FNIP1: variants seen among roughly 807,000 people sequenced by gnomAD.
FNIP1 encodes folliculin interacting protein 1.
In FNIP1, 40 loss-of-function variants were observed where a neutral mutation model predicts 124.5. That is an observed-to-expected ratio of 0.32 (90% CI 0.25 to 0.42). The LOEUF is 0.42. Ranked by LOEUF, FNIP1 falls within the 10% of genes least tolerant of loss-of-function variation. FNIP1 has a pLI of 1.00. For missense variants in FNIP1, 1,176 were observed against 1,403.7 expected (o/e 0.84, Z 2.59); for synonymous variants, 472 against 470.6 (o/e 1.00, Z -0.04).
chr5:131,646,496 T>C (rs918816639), intron 17 of FNIP1, among the ~76,000 whole-genome samples: 1 of 152,206 alleles, frequency 6.6e-6, no homozygotes, highest in Non-Finnish European at 1.5e-5. Context: ...TTTAATGGCA[T>C]TTCAAGAAAT....
At chr5:131,739,552 G>A (rs1466421526) in intron 2 of FNIP1, among the ~76,000 whole-genome samples, 1 of 152,052 alleles carries the variant, frequency 6.6e-6, no homozygotes, top group African/African-American at 2.4e-5. Flanking sequence ...GGTGGCTCAC[G>A]CCCGTAATCC....
intron 1 of FNIP1, among the ~76,000 whole-genome samples, chr5:131,785,243 A>T (rs1772166940): frequency 2.0e-5 from 3 of 150,198 alleles, no homozygotes; most frequent in South Asian, 2.1e-4. Flanking sequence ...AATTCAACAC[A>T]TAATATTTTG....
At chr5:131,726,347 C>G (rs1289072619) in intron 3 of FNIP1, among the ~76,000 whole-genome samples, 1 of 152,038 alleles carries the variant, frequency 6.6e-6, no homozygotes, top group Non-Finnish European at 1.5e-5. Context: ...GGTTGGCAGG[C>G]CATTAATTAC....
chr5:131,709,186 A>C lies in FNIP1; in HGVS notation c.778+15T>G. On this transcript the variant is annotated intron_variant, in intron 8 of 17. Transcript: ENST00000510461. Reference sequence around the variant, plus strand: ...GTAATCTCATAAAAAACTGAATACAAGAACGTGACATTACCAGACCGTGCT... The same window carrying C: ...GTAATCTCATAAAAAACTGAATACACGAACGTGACATTACCAGACCGTGCT... 1 of 1,609,354 alleles carries C rather than the reference A, an allele frequency of 6.2e-7. No individual in the cohort carries two copies. The highest frequency in any genetic ancestry group is 8.5e-7 in the Non-Finnish European group (1 of 1,176,516).
At chr5:131,730,652 T>C (rs2149549813) in intron 3 of FNIP1, among the ~76,000 whole-genome samples, 1 of 152,350 alleles carries the variant, frequency 6.6e-6, no homozygotes, top group East Asian at 1.9e-4. Context: ...GAAATTATTC[T>C]GATAACCCAA....
At chr5:131,736,566 G>A (rs994491480) in intron 2 of FNIP1, among the ~76,000 whole-genome samples, 3 of 152,208 alleles carry the variant, frequency 2.0e-5, no homozygotes, top group African/African-American at 7.2e-5. Context: ...GTGGGCAAGT[G>A]AGCATTACCG....
intron 3 of FNIP1, among the ~76,000 whole-genome samples, chr5:131,725,272 A>T (rs1769821937): frequency 6.6e-6 from 1 of 152,174 alleles, no homozygotes; most frequent in African/African-American, 2.4e-5. Flanking sequence ...ATAGCATTGA[A>T]TCTATAAATT....
chr5:131,659,535 C>T (rs187969204), intron 15 of FNIP1, among the ~76,000 whole-genome samples: 29 of 152,276 alleles, frequency 1.9e-4, no homozygotes, highest in African/African-American at 6.5e-4. Flanking sequence ...TAGCTGTGCT[C>T]GGTGAGGATC....
At chr5:131,783,329 C>T (rs1420867572) in intron 1 of FNIP1, among the ~76,000 whole-genome samples, 1 of 151,728 alleles carries the variant, frequency 6.6e-6, no homozygotes, top group Non-Finnish European at 1.5e-5. Context: ...AGAATGAGCT[C>T]TTGGAAACTA....
At chr5:131,725,276 A>C (rs1274759888) in intron 3 of FNIP1, among the ~76,000 whole-genome samples, 1 of 152,192 alleles carries the variant, frequency 6.6e-6, no homozygotes, top group Non-Finnish European at 1.5e-5. Context: ...CATTGAATCT[A>C]TAAATTACTA....
chr5:131,659,580 C>T (rs765531770), intron 15 of FNIP1, among the ~76,000 whole-genome samples: 9 of 152,220 alleles, frequency 5.9e-5, no homozygotes, highest in Non-Finnish European at 1.0e-4. Flanking sequence ...CGGCCAGCCA[C>T]GTCCAGACAC....
Position 131,641,842 on chromosome 5 carries a change from C to G in FNIP1, c.*2843G>C, listed in dbSNP as rs1766727907. 1 of 152,692 alleles carries G rather than the reference C, an allele frequency of 6.5e-6. No individual in the cohort carries two copies. 9.5% of individuals were successfully genotyped at this position (152,692 alleles called of 1,614,324 possible). On this transcript the variant is annotated 3_prime_UTR_variant, in exon 18 of 18. Coordinates refer to ENST00000510461, the MANE Select transcript of FNIP1 (RefSeq NM_133372.3). ...ATGTACATATCCAACATCTAAGTAA[C>G]TTAGAAAAAGCAGAACAATCTCATA... is the stretch of plus-strand genomic sequence containing the variant.
chr5:131,662,007 G>C (rs763374641), intron 15 of FNIP1, among the ~76,000 whole-genome samples: 1 of 152,158 alleles, frequency 6.6e-6, no homozygotes, highest in Non-Finnish European at 1.5e-5. Flanking sequence ...ACATCCTTGA[G>C]AGCATGACTT....
chr5:131,698,776 G>A, intron 11 of FNIP1, 141 bp downstream of exon 11: 2 of 563,152 alleles, frequency 3.6e-6, no homozygotes, highest in Non-Finnish European at 5.9e-6. Flanking sequence ...AATAACATAG[G>A]AGCCAATGGT....
chr5:131,651,154 C>G (rs151103967), intron 16 of FNIP1, among the ~76,000 whole-genome samples: 3 of 151,786 alleles, frequency 2.0e-5, no homozygotes, highest in Non-Finnish European at 2.9e-5. Flanking sequence ...CTTTGGGAGG[C>G]TGGGGCAGGA....
At chr5:131,666,502 G>A (rs940922149) in intron 15 of FNIP1, among the ~76,000 whole-genome samples, 1 of 152,110 alleles carries the variant, frequency 6.6e-6, no homozygotes. Context: ...TTTGCTATTT[G>A]TATTACTCTT....
chr5:131,736,482 A>C (rs1770309010), intron 2 of FNIP1, among the ~76,000 whole-genome samples: 1 of 152,232 alleles, frequency 6.6e-6, no homozygotes, highest in Admixed American at 6.5e-5. Flanking sequence ...ACGCGTTCTA[A>C]GCCAGAGGGT....
chr5:131,665,898 ACTTT>A (rs1767588913), intron 15 of FNIP1, among the ~76,000 whole-genome samples: 1 of 114,760 alleles, frequency 8.7e-6, no homozygotes, highest in African/African-American at 3.1e-5. Flanking sequence ...CTAAAATAAT[ACTTT>A]TTTTTTTTTT....
chr5:131,754,950 G>C (rs1770994690), intron 1 of FNIP1, among the ~76,000 whole-genome samples: 1 of 152,140 alleles, frequency 6.6e-6, no homozygotes, highest in South Asian at 2.1e-4. Flanking sequence ...GACTATATGG[G>C]GAATAAAGGA....
Sources: allele counts gnomAD v4.1 joint callset (sites outside exome capture counted in the v4.1 genomes callset), GRCh38; gene constraint gnomAD v4.1.1; transcripts MANE v1.5; gene names NCBI Gene and HGNC (gene_info 2026-07-23, HGNC 2026-07-21).